The following FHIT variants were observed in gnomAD, a reference collection of about 807,000 sequenced individuals.
The protein encoded by FHIT is fragile histidine triad diadenosine triphosphatase.
FHIT carries 19 observed loss-of-function variants against 17.9 expected under a neutral mutation model. The observed-to-expected ratio is 1.06, with a 90% CI of 0.74 to 1.56. The LOEUF is 1.56. FHIT is among the 40% of genes most tolerant of loss of function. The probability of loss-of-function intolerance (pLI) is 0.00; values close to 1 mark genes in which losing one functional copy is unlikely to be tolerated. For synonymous variants in FHIT, 81 were observed against 69.7 expected, an observed-to-expected ratio of 1.16 and a Z score of -0.81; for missense variants, 248 against 189.2, an observed-to-expected ratio of 1.31 and a Z score of -1.82.
Position 60,956,970 on chromosome 3 carries a change from G to C in FHIT, c.-111+85077C>G, listed in dbSNP as rs552819869. On this transcript the variant is annotated intron_variant, in intron 3 of 9. Coordinates refer to ENST00000492590, the MANE Select transcript of FHIT (RefSeq NM_002012.4). ...TACCAGCCCTTTGGGTAGAAGAGCA[G>C]GTCTCACAGAAGGGCTCATGGTCAG... Among the ~76,000 whole-genome samples the C allele has an allele frequency of 3.3e-5, 5 of 152,220 alleles. No homozygotes were observed. The East Asian group carries it at 5.8e-4, about 18-fold the overall frequency.
At chr3:60,224,294 T>G (rs533884962) in intron 5 of FHIT, among the ~76,000 whole-genome samples, 15 of 152,222 alleles carry the variant, frequency 9.9e-5, no homozygotes, top group African/African-American at 3.6e-4. Context: ...ATCCCTCTTG[T>G]GAAAACTGTC....
intron 2 of FHIT, among the ~76,000 whole-genome samples, chr3:61,085,387 A>G (rs2035273168): frequency 6.6e-6 from 1 of 152,066 alleles, no homozygotes; most frequent in South Asian, 2.1e-4. Context: ...ATTTCATACT[A>G]TTCCTCTCCT....
At chr3:60,305,745 T>C (rs763243327) in intron 5 of FHIT, among the ~76,000 whole-genome samples, 14 of 152,138 alleles carry the variant, frequency 9.2e-5, no homozygotes, top group African/African-American at 1.9e-4. Flanking sequence ...TGCAGTGCAA[T>C]AGACTGTCGA....
intron 5 of FHIT, among the ~76,000 whole-genome samples, chr3:60,107,218 C>T (rs530843875): frequency 8.5e-5 from 12 of 140,400 alleles, no homozygotes; most frequent in Non-Finnish European, 1.6e-4. Context: ...CTTACACATC[C>T]AGAGCACATG....
rs553675671 is a variant in FHIT, at chr3:61,033,413, TA to T, written c.-111+8633del. On this transcript the variant is annotated intron_variant, in intron 3 of 9. Coordinates refer to ENST00000492590, the MANE Select transcript of FHIT (RefSeq NM_002012.4). ...TACACACCAGACCTCAAAGACTGAG[TA>T]GGAAAAAAACTGTAAAATACCTCAT... Among the ~76,000 whole-genome samples, 535 of 152,232 alleles carry T rather than the reference TA, an allele frequency of 3.5e-3. 2 individuals are homozygous for T. Among genetic ancestry groups the T allele is most frequent in the African/African-American group, 0.012 (510 of 41,548 alleles).
At chr3:60,679,934 T>G (rs2040708092) in intron 4 of FHIT, among the ~76,000 whole-genome samples, 1 of 152,214 alleles carries the variant, frequency 6.6e-6, no homozygotes, top group Admixed American at 6.5e-5. Context: ...TACTATATGT[T>G]GTTTTTACTC....
chr3:60,385,970 T>C (rs1258583564), intron 5 of FHIT, among the ~76,000 whole-genome samples: 1 of 152,090 alleles, frequency 6.6e-6, no homozygotes, highest in Non-Finnish European at 1.5e-5. Flanking sequence ...GGTGAAATAA[T>C]AGAAATAACG....
intron 5 of FHIT, among the ~76,000 whole-genome samples, chr3:60,228,426 A>T (rs1704319578): frequency 6.6e-6 from 1 of 152,182 alleles, no homozygotes; most frequent in South Asian, 2.1e-4. Flanking sequence ...GGAATACACT[A>T]AAAAAGCCAC....
chr3:60,192,561 T>C (rs934448620), intron 5 of FHIT, among the ~76,000 whole-genome samples: 17 of 152,190 alleles, frequency 1.1e-4, no homozygotes, highest in African/African-American at 1.7e-4. Flanking sequence ...AACACAGAGA[T>C]TGAGTTGAGC....
chr3:59,853,714 T>C (rs775494924), intron 8 of FHIT, among the ~76,000 whole-genome samples: 1 of 152,158 alleles, frequency 6.6e-6, no homozygotes. Flanking sequence ...GACAGACACA[T>C]ATGCAGACAC....
At chr3:60,530,493 A>G (rs1237963676) in intron 5 of FHIT, among the ~76,000 whole-genome samples, 1 of 152,184 alleles carries the variant, frequency 6.6e-6, no homozygotes, top group Admixed American at 6.5e-5. Flanking sequence ...TGTCTATGAT[A>G]AAAAATAAAG....
chr3:59,902,504 G>A (rs946815020), intron 8 of FHIT, among the ~76,000 whole-genome samples: 2 of 151,730 alleles, frequency 1.3e-5, no homozygotes, highest in African/African-American at 2.4e-5. Context: ...CATGTTCATC[G>A]TAGCATTATT....
intron 2 of FHIT, among the ~76,000 whole-genome samples, chr3:61,042,639 GA>G (rs1195912868): frequency 6.6e-6 from 1 of 152,030 alleles, no homozygotes; most frequent in East Asian, 1.9e-4. Flanking sequence ...AGCCGTTCGA[GA>G]CCAGCCTGGC....
intron 5 of FHIT, among the ~76,000 whole-genome samples, chr3:60,421,742 G>T (rs1702475912): frequency 6.6e-6 from 1 of 151,772 alleles, no homozygotes; most frequent in African/African-American, 2.4e-5. Flanking sequence ...TGCTTTTCTT[G>T]TTAAGAAAAT....
chr3:60,157,527 G>T (rs1700755196), intron 5 of FHIT, among the ~76,000 whole-genome samples: 2 of 152,152 alleles, frequency 1.3e-5, no homozygotes, highest in South Asian at 4.1e-4. Flanking sequence ...CAAGCAGTCT[G>T]GTGTGGGACT....
At chr3:60,042,397 G>A (rs1701477558) in intron 5 of FHIT, among the ~76,000 whole-genome samples, 1 of 152,148 alleles carries the variant, frequency 6.6e-6, no homozygotes, top group African/African-American at 2.4e-5. Flanking sequence ...GGCTGGCTTA[G>A]AAAAGAGACA....
chr3:60,045,369 T>G lies in FHIT; in HGVS notation c.104-31217A>C, dbSNP rs573739091. ...CAGAAGACAAGGAGGAGCAAGTCAC[T>G]TCTTACATGGATGGCAGCAGGCAAA... is the stretch of plus-strand genomic sequence containing the variant. On this transcript the variant is annotated intron_variant, in intron 5 of 9. Transcript: ENST00000492590. Among the ~76,000 whole-genome samples the G allele has an allele frequency of 3.7e-4, 57 of 152,128 alleles. No homozygotes were observed. In the South Asian group the frequency reaches 0.012, roughly 31 times the overall value.
chr3:60,251,671 C>T (rs1472698057), intron 5 of FHIT, among the ~76,000 whole-genome samples: 1 of 152,190 alleles, frequency 6.6e-6, no homozygotes, highest in African/African-American at 2.4e-5. Context: ...TGACCCAGTA[C>T]AGGCACTTCT....
intron 8 of FHIT, among the ~76,000 whole-genome samples, chr3:59,830,094 A>AC (rs33999758): frequency 7.5e-4 from 113 of 150,022 alleles, no homozygotes; most frequent in Middle Eastern, 3.4e-3. Flanking sequence ...AAACAAAACA[A>AC]CCCCCCCCTC....
Sources: gnomAD v4.1 joint callset for allele counts (sites outside exome capture counted in the v4.1 genomes callset) on GRCh38, gnomAD v4.1.1 for gene constraint, MANE v1.5 for transcripts, NCBI Gene and HGNC (gene_info 2026-07-23, HGNC 2026-07-21) for gene names.